CAMK2G: variants seen among roughly 807,000 people sequenced by gnomAD.
The protein encoded by CAMK2G is calcium/calmodulin-dependent protein kinase type II subunit gamma.
Under a neutral mutation model 88.7 loss-of-function variants are expected in CAMK2G, and 23 were observed. That is an observed-to-expected ratio of 0.26 (90% CI 0.19 to 0.37). The LOEUF (loss-of-function observed/expected upper bound fraction) is 0.37, where lower values mean the gene tolerates loss of function less well. Ranked by LOEUF, CAMK2G falls within the 10% of genes least tolerant of loss-of-function variation. CAMK2G has a pLI of 1.00. For missense variants in CAMK2G, 476 were observed against 780.8 expected (o/e 0.61, Z 4.65); for synonymous variants, 263 against 294.8 (o/e 0.89, Z 1.11).
intron 14 of CAMK2G, among the ~76,000 whole-genome samples, chr10:73,831,428 C>T (rs2092411326): frequency 6.7e-6 from 1 of 148,856 alleles, no homozygotes; most frequent in South Asian, 2.1e-4. Context: ...GTCCCAGCTA[C>T]TTGGGAGGCT....
At chr10:73,838,744 C>CT (rs1438919090) in intron 13 of CAMK2G, among the ~76,000 whole-genome samples, 1 of 152,214 alleles carries the variant, frequency 6.6e-6, no homozygotes, top group Non-Finnish European at 1.5e-5. Context: ...CGCCTACTGT[C>CT]TAAGTGCTTT....
chr10:73,837,619 A>G, intron 13 of CAMK2G, 108 bp from the exon 14 acceptor site: 1 of 903,242 alleles, frequency 1.1e-6, no homozygotes, highest in South Asian at 1.3e-5. Flanking sequence ...AAGGGGGCCA[A>G]GGGTCTCCCG....
At chr10:73,855,662 A>G (rs1297499187) in intron 3 of CAMK2G, among the ~76,000 whole-genome samples, 1 of 152,336 alleles carries the variant, frequency 6.6e-6, no homozygotes, top group Non-Finnish European at 1.5e-5. Context: ...GGAAGGCCAC[A>G]CACAGAGCCC....
Position 73,842,902 on chromosome 10 carries a change from C to A in CAMK2G, c.820-361G>T, listed in dbSNP as rs1202650699. 2.6e-5 allele frequency among the ~76,000 whole-genome samples: 4 copies of A among 152,082 alleles called. No individual in the cohort carries two copies. The highest frequency in any genetic ancestry group is 9.7e-5 in the African/African-American group (4 of 41,410). ...CTGTTTACTGAGCACCTACTGCGTT[C>A]CAGATGCTCAGCAGCGAGAGAACGG... On this transcript the variant is annotated intron_variant, in intron 10 of 22. Coordinates refer to ENST00000423381, the MANE Select transcript of CAMK2G (RefSeq NM_001367534.1). The surrounding 1 kb of genome is among the most constrained non-coding windows in gnomAD (Gnocchi z 4.6).
chr10:73,817,427 G>T, intron 20 of CAMK2G, 52 bp downstream of exon 20: 1 of 1,241,044 alleles, frequency 8.1e-7, no homozygotes, highest in Non-Finnish European at 1.2e-6. Flanking sequence ...TGGAAGCAGG[G>T]AAGGCCTTGG....
chr10:73,867,650 T>TC (rs1237110208), intron 2 of CAMK2G, among the ~76,000 whole-genome samples: 13 of 152,002 alleles, frequency 8.6e-5, no homozygotes, highest in Admixed American at 8.5e-4. Context: ...GCTGGAAATC[T>TC]CCCCACCGCA....
At chr10:73,850,991 C>A (rs1423329210) in intron 5 of CAMK2G, among the ~76,000 whole-genome samples, 1 of 152,246 alleles carries the variant, frequency 6.6e-6, no homozygotes, top group Non-Finnish European at 1.5e-5. Context: ...CTCAGGGCCC[C>A]CTCCCTATAG....
intron 10 of CAMK2G, among the ~76,000 whole-genome samples, chr10:73,843,944 G>A (rs1025009418): frequency 2.0e-5 from 3 of 152,236 alleles, no homozygotes; most frequent in African/African-American, 4.8e-5. Context: ...GGTCATCCCC[G>A]GGATGGACCC....
chr10:73,825,577 C>A (rs1001719532), intron 15 of CAMK2G, among the ~76,000 whole-genome samples: 4 of 152,284 alleles, frequency 2.6e-5, no homozygotes, highest in Middle Eastern at 3.4e-3. Context: ...CAGCCCAAAG[C>A]CTTGTTTTAA....
At chr10:73,815,383 C>T (rs2085101751) in intron 21 of CAMK2G, 136 bp from the exon 22 acceptor site, 2 of 639,868 alleles carry the variant, frequency 3.1e-6, no homozygotes, top group South Asian at 1.9e-5. Context: ...CCCCCCACCC[C>T]CGAACCCCTG....
At chr10:73,833,945 G>A (rs2092880469) in intron 14 of CAMK2G, among the ~76,000 whole-genome samples, 1 of 113,334 alleles carries the variant, frequency 8.8e-6, no homozygotes, top group South Asian at 3.1e-4. Flanking sequence ...TTGAGACGGA[G>A]TCTTGCTCTG....
chr10:73,852,508 G>A lies in CAMK2G; in HGVS notation c.276-189C>T, dbSNP rs1292099669. On this transcript the variant is annotated intron_variant, in intron 4 of 22. Transcript: ENST00000423381. ...ACCCGGATTCTCCTTGAGGTATCAT[G>A]GGCCGTCCCTTCCTTCCGGACATTT... 3 of 583,292 alleles carry A rather than the reference G, an allele frequency of 5.1e-6. No individual in the cohort carries two copies. The East Asian group carries it at 8.5e-5, about 17-fold the overall frequency. The allele number at this position is 583,292 out of a possible 1,614,324, so 36.1% of individuals were successfully genotyped here.
chr10:73,825,626 G>A (rs953287671), intron 15 of CAMK2G, among the ~76,000 whole-genome samples: 3 of 152,172 alleles, frequency 2.0e-5, no homozygotes, highest in African/African-American at 7.2e-5. Flanking sequence ...CCAGGTGCCA[G>A]GTCATTGCAA....
At chr10:73,854,238 T>C (rs545116600) in intron 3 of CAMK2G, among the ~76,000 whole-genome samples, 1 of 152,190 alleles carries the variant, frequency 6.6e-6, no homozygotes, top group Non-Finnish European at 1.5e-5. Context: ...AGGGTGCCAC[T>C]GGAAGAAGAC....
rs958218014 is a variant in CAMK2G, at chr10:73,839,675, C to G, written c.947-74G>C. On this transcript the variant is annotated intron_variant, in intron 12 of 22. Transcript: ENST00000423381. The surrounding 1 kb of genome is among the most constrained non-coding windows in gnomAD (Gnocchi z 4.2). ...GCCGTCAGCAGCGAGCATGCCCCAG[C>G]GCGAGGCGCAGCCCAGGCGGCGTGG... is the stretch of plus-strand genomic sequence containing the variant. 1 of 963,100 alleles carries G rather than the reference C, an allele frequency of 1.0e-6. No homozygotes were observed. The highest frequency in any genetic ancestry group is 1.7e-5 in the African/African-American group (1 of 59,086). The allele number at this position is 963,100 out of a possible 1,614,324, so 59.7% of individuals were successfully genotyped here. A position where few individuals can be genotyped will look rare whatever the true frequency, so the allele number is the denominator to read the frequency against.
At chr10:73,822,807 C>T (rs1437763250) in intron 17 of CAMK2G, among the ~76,000 whole-genome samples, 1 of 152,168 alleles carries the variant, frequency 6.6e-6, no homozygotes, top group African/African-American at 2.4e-5. Context: ...GAAAGAAGCC[C>T]TCTCCTGACT....
At chr10:73,863,836 C>A (rs1227091536) in intron 2 of CAMK2G, among the ~76,000 whole-genome samples, 1 of 152,188 alleles carries the variant, frequency 6.6e-6, no homozygotes, top group Non-Finnish European at 1.5e-5. Flanking sequence ...TTAGTTCAGC[C>A]TTAACTCCAA....
At chr10:73,861,989 C>T (rs2095399166) in intron 2 of CAMK2G, among the ~76,000 whole-genome samples, 1 of 152,140 alleles carries the variant, frequency 6.6e-6, no homozygotes, top group Non-Finnish European at 1.5e-5. Flanking sequence ...CCCCGGAGTC[C>T]TCTTGGCCAC....
At chr10:73,833,127 ATT>A (rs765917793) in intron 14 of CAMK2G, among the ~76,000 whole-genome samples, 20 of 138,696 alleles carry the variant, frequency 1.4e-4, no homozygotes, top group African/African-American at 1.1e-4. Context: ...CACTCAGCTA[ATT>A]TTTTTTTTTT....
Sources: gnomAD v4.1 joint callset for allele counts (sites outside exome capture counted in the v4.1 genomes callset) on GRCh38, gnomAD v4.1.1 for gene constraint, Gnocchi (gnomAD v3.1) non-coding constraint, MANE v1.5 for transcripts, NCBI Gene and HGNC (gene_info 2026-07-23, HGNC 2026-07-21) for gene names.